The following RPS6KA5 variants were observed in gnomAD, a reference collection of about 807,000 sequenced individuals.
RPS6KA5 encodes ribosomal protein S6 kinase A5.
Under a neutral mutation model 85.5 loss-of-function variants are expected in RPS6KA5, and 27 were observed. The observed-to-expected ratio is 0.32, with a 90% CI of 0.23 to 0.44. The LOEUF is 0.44. Ranked by LOEUF, RPS6KA5 falls within the 20% of genes least tolerant of loss-of-function variation. The pLI is 1.00. For missense variants in RPS6KA5, 811 were observed against 980.9 expected (o/e 0.83, Z 2.31); for synonymous variants, 334 against 348.2 (o/e 0.96, Z 0.46).
chr14:90,975,274 C>A (rs917359822), intron 3 of RPS6KA5, among the ~76,000 whole-genome samples: 2 of 152,140 alleles, frequency 1.3e-5, no homozygotes, highest in Non-Finnish European at 2.9e-5. Context: ...TAAGTTCTTG[C>A]TAATACCTCA....
chr14:90,882,152 T>C (rs1215369658), intron 14 of RPS6KA5, among the ~76,000 whole-genome samples: 2 of 152,218 alleles, frequency 1.3e-5, no homozygotes, highest in East Asian at 1.9e-4. Context: ...ATATATTCTA[T>C]AGCTATTTTC....
chr14:90,997,298 T>C (rs954889826), intron 2 of RPS6KA5, among the ~76,000 whole-genome samples: 11 of 152,204 alleles, frequency 7.2e-5, no homozygotes, highest in African/African-American at 2.7e-4. Flanking sequence ...GTGCATGACT[T>C]TTTATAAAGT....
rs2043628619 is a variant in RPS6KA5 at position 91,060,547 on chromosome 14, C to T, written c.-113G>A. 8.3e-7 allele frequency: 1 copy of T among 1,201,372 alleles called. No individual in the cohort carries two copies. The highest frequency in any genetic ancestry group is 3.6e-5 in the South Asian group (1 of 28,168). 74.4% of individuals were successfully genotyped at this position (1,201,372 alleles called of 1,614,324 possible). On this transcript the variant is annotated 5_prime_UTR_variant, in exon 1 of 17. Transcript: ENST00000614987. The stretch of plus-strand genomic sequence containing the variant: ...CCCCAGGAGTCGGGGTGCGGCGGCT[C>T]CAGAACTCGGACGCAAAGACGAGTC...
chr14:90,976,542 G>A (rs76463202), intron 3 of RPS6KA5, among the ~76,000 whole-genome samples: 2 of 152,092 alleles, frequency 1.3e-5, no homozygotes, highest in African/African-American at 2.4e-5. Context: ...TGAGGGAAGG[G>A]TCCTGCACTA....
Position 91,030,611 on chromosome 14 carries a change from G to GAAAAAAAAAAAAAAAAAAAAAAA in RPS6KA5, c.104-29475_104-29453dup, listed in dbSNP as rs58737573. On this transcript the variant is annotated intron_variant, in intron 1 of 16. Transcript: ENST00000614987. Reference sequence around the variant, plus strand: ...AACATGCAAGACACCAAAATAAACAGAAAAAAAAAAAAAAAAAAAAAAAAA... The same window carrying GAAAAAAAAAAAAAAAAAAAAAAA: ...AACATGCAAGACACCAAAATAAACAGAAAAAAAAAAAAAAAAAAAAAAAAAAAAAAAAAAAAAAAAAAAAAAAA... Among the ~76,000 whole-genome samples, 20 of 22,074 alleles carry GAAAAAAAAAAAAAAAAAAAAAAA rather than the reference G, an allele frequency of 9.1e-4. 4 individuals carry two copies. The highest frequency in any genetic ancestry group is 6.3e-3 in the East Asian group (2 of 318). 14.5% of individuals were successfully genotyped at this position (22,074 alleles called of 152,430 possible).
chr14:90,969,797 C>A (rs2039237974), intron 3 of RPS6KA5, among the ~76,000 whole-genome samples: 1 of 152,078 alleles, frequency 6.6e-6, no homozygotes, highest in South Asian at 2.1e-4. Context: ...ATGGTGGCAC[C>A]TTCCAAAGAG....
intron 5 of RPS6KA5, among the ~76,000 whole-genome samples, chr14:90,942,594 T>C (rs1018202228): frequency 2.0e-5 from 3 of 152,238 alleles, no homozygotes; most frequent in African/African-American, 7.2e-5. Context: ...TTAATTCATG[T>C]TGAGCAAAAA....
intron 1 of RPS6KA5, among the ~76,000 whole-genome samples, chr14:91,025,889 A>G (rs1243606492): frequency 6.6e-6 from 1 of 151,594 alleles, no homozygotes; most frequent in Non-Finnish European, 1.5e-5. Flanking sequence ...TGGGTTCGTT[A>G]TGAGTTATAC....
intron 1 of RPS6KA5, among the ~76,000 whole-genome samples, chr14:91,020,105 T>C (rs966008608): frequency 2.0e-5 from 3 of 152,172 alleles, no homozygotes; most frequent in African/African-American, 4.8e-5. Context: ...CAACACCGTA[T>C]TATAATCTAA....
chr14:91,020,272 A>G (rs1039414255), intron 1 of RPS6KA5, among the ~76,000 whole-genome samples: 4 of 151,006 alleles, frequency 2.6e-5, no homozygotes, highest in African/African-American at 9.8e-5. Context: ...GAATTCAACC[A>G]ATTATAGATT....
chr14:90,951,260 G>A (rs545798185), intron 3 of RPS6KA5, among the ~76,000 whole-genome samples: 1 of 152,108 alleles, frequency 6.6e-6, no homozygotes, highest in East Asian at 1.9e-4. Flanking sequence ...GAGGCGGGCG[G>A]GTCACCAGGT....
At chr14:90,904,291 G>A (rs776440502) in intron 8 of RPS6KA5, among the ~76,000 whole-genome samples, 6 of 152,238 alleles carry the variant, frequency 3.9e-5, no homozygotes, top group East Asian at 3.9e-4. Context: ...GAGCCACTGC[G>A]CCTGGCCCAT....
At chr14:91,004,221 G>A (rs1197577132) in intron 1 of RPS6KA5, among the ~76,000 whole-genome samples, 1 of 152,172 alleles carries the variant, frequency 6.6e-6, no homozygotes, top group Non-Finnish European at 1.5e-5. Context: ...GAGGAGCTGG[G>A]CCTACAGGCG....
At chr14:91,025,027 T>A (rs991000943) in intron 1 of RPS6KA5, among the ~76,000 whole-genome samples, 1 of 151,826 alleles carries the variant, frequency 6.6e-6, no homozygotes, top group African/African-American at 2.4e-5. Context: ...ACTACAGATG[T>A]GCATCACCAT....
Position 90,868,469 on chromosome 14 carries a change from T to C in RPS6KA5, c.*3605A>G, listed in dbSNP as rs775921557. ...TGATGTTACAGTAATAATTCATCTA[T>C]ATAACAATTATTTTGACATAAGTGG... On this transcript the variant is annotated 3_prime_UTR_variant, in exon 17 of 17. Coordinates refer to ENST00000614987, the MANE Select transcript of RPS6KA5 (RefSeq NM_004755.4). The C allele has an allele frequency of 3.9e-5, 6 of 152,192 alleles. No individual in the cohort carries two copies. The highest frequency in any genetic ancestry group is 8.8e-5 in the Non-Finnish European group (6 of 68,022). 9.4% of individuals were successfully genotyped at this position (152,192 alleles called of 1,614,324 possible).
chr14:90,946,295 G>A (rs1047357500), intron 4 of RPS6KA5, among the ~76,000 whole-genome samples: 2 of 95,862 alleles, frequency 2.1e-5, no homozygotes, highest in Non-Finnish European at 4.0e-5. Flanking sequence ...CTGCAGCCCT[G>A]CCCCTCAACC....
rs916373782 is a variant in RPS6KA5, at chr14:91,060,614, C to A, written c.-180G>T. On this transcript the variant is annotated 5_prime_UTR_variant, in exon 1 of 17. Coordinates refer to ENST00000614987, the MANE Select transcript of RPS6KA5 (RefSeq NM_004755.4). Reference sequence around the variant, plus strand: ...CGCACGGCTCGCTCCTCGCCTCCTCCCCCTTCGGCGGGCACCGCTAGTACC... The same window carrying A: ...CGCACGGCTCGCTCCTCGCCTCCTCACCCTTCGGCGGGCACCGCTAGTACC... 7.0e-6 allele frequency: 6 copies of A among 853,678 alleles called. No individual in the cohort carries two copies. In the Admixed American group the frequency reaches 1.8e-4, roughly 25 times the overall value. 52.9% of individuals were successfully genotyped at this position (853,678 alleles called of 1,614,324 possible).
intron 2 of RPS6KA5, among the ~76,000 whole-genome samples, chr14:90,995,571 T>C (rs1430123038): frequency 6.6e-6 from 1 of 152,210 alleles, no homozygotes; most frequent in Non-Finnish European, 1.5e-5. Context: ...CCCAAAGAAC[T>C]AGCTCGGAAT....
intron 7 of RPS6KA5, among the ~76,000 whole-genome samples, chr14:90,914,309 G>GTTTTTTTT (rs10658805): frequency 4.8e-4 from 39 of 81,504 alleles, no homozygotes; most frequent in South Asian, 1.1e-3. Flanking sequence ...GATCCCTAGG[G>GTTTTTTTT]TTTTTTTTTT....
Sources: allele counts gnomAD v4.1 joint callset (sites outside exome capture counted in the v4.1 genomes callset), GRCh38; gene constraint gnomAD v4.1.1; transcripts MANE v1.5; gene names NCBI Gene and HGNC (gene_info 2026-07-23, HGNC 2026-07-21).